MEP1A: variants seen among roughly 807,000 people sequenced by gnomAD.
MEP1A encodes N-benzoyl-L-tyrosyl-P-amino-benzoic acid hydrolase subunit alpha.
A neutral mutation model predicts 84.5 loss-of-function variants in MEP1A; 68 were observed. The observed-to-expected ratio is 0.80, with a 90% CI of 0.66 to 0.98. The LOEUF is 0.98. MEP1A is among the 50% of genes least tolerant of loss of function. The pLI is 0.00. For synonymous variants in MEP1A, 337 were observed against 336.8 expected (o/e 1.00, Z -0.01); for missense variants, 887 against 919.9 (o/e 0.96, Z 0.46).
chr6:46,811,300 T>C (rs1767492435), intron 6 of MEP1A, among the ~76,000 whole-genome samples: 1 of 152,154 alleles, frequency 6.6e-6, no homozygotes, highest in Non-Finnish European at 1.5e-5. Flanking sequence ...GCAGAGCTAC[T>C]GATTTGTGTA....
In MEP1A at chr6:46,834,590, C is replaced by G. The variant is rs773065143; in HGVS notation, c.1622C>G (p.Thr541Ser). The change falls in exon 12 of 14, where the codon ACT (threonine) becomes AGT (serine). Residue 541 changes from threonine to serine, a missense_variant. By Grantham distance (58) the Thr-to-Ser change is moderately conservative. Transcript: ENST00000230588. ...KSHTSPAIND[T>S]VIWDRPSRVG... ...TACAACTTTGCAGCGATAAATGACA[C>G]TGTCATCTGGGACAGGCCGTCCAGG... The G allele has an allele frequency of 6.2e-7, 1 of 1,606,080 alleles. No individual in the cohort carries two copies. Among genetic ancestry groups the G allele is most frequent in the African/African-American group, 1.3e-5 (1 of 74,768 alleles).
intron 3 of MEP1A, among the ~76,000 whole-genome samples, chr6:46,797,643 T>C (rs1218034422): frequency 6.6e-6 from 1 of 152,142 alleles, no homozygotes; most frequent in Non-Finnish European, 1.5e-5. Flanking sequence ...AATGGTACAC[T>C]GGTAGAAAGA....
intron 6 of MEP1A, among the ~76,000 whole-genome samples, chr6:46,817,109 A>G (rs529634308): frequency 5.3e-5 from 8 of 152,328 alleles, no homozygotes; most frequent in African/African-American, 1.9e-4. Flanking sequence ...GGCAGGTGAT[A>G]TAAAGAAGAG....
chr6:46,828,446 A>G (rs1767997688), intron 9 of MEP1A, among the ~76,000 whole-genome samples: 2 of 152,232 alleles, frequency 1.3e-5, no homozygotes, highest in African/African-American at 4.8e-5. Flanking sequence ...AGTGTGAGGC[A>G]GGATGAAGCT....
intron 3 of MEP1A, among the ~76,000 whole-genome samples, chr6:46,793,999 A>T (rs1766994413): frequency 6.6e-6 from 1 of 152,218 alleles, no homozygotes; most frequent in African/African-American, 2.4e-5. Context: ...TTTGGAGGAA[A>T]AGGAAAGCAA....
chr6:46,823,824 C>A (rs3807009), intron 7 of MEP1A, among the ~76,000 whole-genome samples: 64,328 of 152,062 alleles, frequency 0.42, 13,964 homozygotes, highest in African/African-American at 0.5. Flanking sequence ...ATTCAAAGAC[C>A]CTCTGATCAG....
the MEP1A span, among the ~76,000 whole-genome samples, chr6:46,845,302 G>A: frequency 5.9e-5 from 9 of 152,160 alleles, no homozygotes; most frequent in East Asian, 1.9e-4. Flanking sequence ...GACTGATAAC[G>A]GGACATAATG....
In MEP1A at chr6:46,819,615, A is replaced by G. The variant is rs746863143; in HGVS notation, c.467A>G (p.Glu156Gly). The change falls in exon 7 of 14, where the codon GAG becomes GGG. Residue 156 changes from glutamate to glycine, a missense_variant. By Grantham distance (98) the Glu-to-Gly change is moderately conservative. Coordinates refer to ENST00000230588, the MANE Select transcript of MEP1A (RefSeq NM_005588.3). ...GCCTATAAGGCCATCATAGAACACGAGATCCTGCATGCTTTGGGATTTTAC... is the reference window on the plus strand; with the variant it reads ...GCCTATAAGGCCATCATAGAACACGGGATCCTGCATGCTTTGGGATTTTAC... ...GCAYKAIIEH[E>G]ILHALGFYHE... 1 of 1,614,152 alleles carries G rather than the reference A, an allele frequency of 6.2e-7. No homozygotes were observed. The highest frequency in any genetic ancestry group is 8.5e-7 in the Non-Finnish European group (1 of 1,179,994).
chr6:46,828,829 T>C (rs73736665), intron 9 of MEP1A, among the ~76,000 whole-genome samples: 6,916 of 152,258 alleles, frequency 0.045, 160 homozygotes, highest in African/African-American at 0.072. Flanking sequence ...GAATAGCCCT[T>C]CTTATAATAT....
intron 5 of MEP1A, among the ~76,000 whole-genome samples, chr6:46,804,410 T>C (rs1767264306): frequency 2.0e-5 from 3 of 151,770 alleles, no homozygotes; most frequent in Admixed American, 6.6e-5. Flanking sequence ...TTAAAAGCAT[T>C]ATGCAGCGAA....
chr6:46,818,659 C>T (rs867755367), intron 6 of MEP1A, among the ~76,000 whole-genome samples: 2 of 152,186 alleles, frequency 1.3e-5, no homozygotes, highest in African/African-American at 4.8e-5. Context: ...GCTACAGGTC[C>T]TCCTTGCCTG....
At chr6:46,814,603 T>G (rs530667433) in intron 6 of MEP1A, among the ~76,000 whole-genome samples, 1 of 152,314 alleles carries the variant, frequency 6.6e-6, no homozygotes, top group Non-Finnish European at 1.5e-5. Flanking sequence ...CATGATCTTT[T>G]GGCAGTGTTA....
downstream of MEP1A, among the ~76,000 whole-genome samples, chr6:46,842,083 T>C (rs977507274): frequency 2.6e-5 from 4 of 152,230 alleles, no homozygotes; most frequent in African/African-American, 9.6e-5. Context: ...AATAATACTC[T>C]TATAATTTCT....
intron 6 of MEP1A, 86 bp from the exon 7 acceptor site, chr6:46,819,443 C>T: frequency 9.3e-7 from 1 of 1,078,238 alleles, no homozygotes; most frequent in South Asian, 1.6e-5. Flanking sequence ...AGCCTAATTT[C>T]CTCCTAATTT....
At chr6:46,822,771 C>T (rs1382490110) in intron 7 of MEP1A, among the ~76,000 whole-genome samples, 1 of 152,162 alleles carries the variant, frequency 6.6e-6, no homozygotes. Flanking sequence ...TCTCGAACTC[C>T]TGGCCTCAAG....
chr6:46,799,457 T>C (rs1562103446), intron 5 of MEP1A, among the ~76,000 whole-genome samples: 1 of 152,202 alleles, frequency 6.6e-6, no homozygotes. Context: ...CAAAACCTAA[T>C]GAAATATAAT....
At chr6:46,820,049 G>A (rs1767731595) in intron 7 of MEP1A, among the ~76,000 whole-genome samples, 1 of 152,208 alleles carries the variant, frequency 6.6e-6, no homozygotes, top group Non-Finnish European at 1.5e-5. Context: ...TTCTCTGGAT[G>A]TGAAATCTCC....
At chr6:46,808,079 C>G (rs1767406611) in intron 5 of MEP1A, among the ~76,000 whole-genome samples, 1 of 152,058 alleles carries the variant, frequency 6.6e-6, no homozygotes. Flanking sequence ...AGAAATCCCA[C>G]CATTTGGATT....
In MEP1A at chr6:46,809,493, C is replaced by G; in HGVS notation, c.336C>G (p.Pro112=). The change falls in exon 6 of 14, where the codon CCC becomes CCG. Residue 112 remains proline, a synonymous_variant. Transcript: ENST00000230588. ...FRLKSCVDFK[P]YEGESSYIIF... is the part of the protein sequence containing the mutation. ...TCAAGTCCTGTGTGGATTTCAAGCC[C>G]TATGAAGGAGAGAGCTCATATATCA... The G allele has an allele frequency of 6.2e-7, 1 of 1,610,234 alleles. No homozygotes were observed. Among genetic ancestry groups the G allele is most frequent in the South Asian group, 1.1e-5 (1 of 90,474 alleles).
Sources: gnomAD v4.1 joint callset for allele counts (sites outside exome capture counted in the v4.1 genomes callset) on GRCh38, gnomAD v4.1.1 for gene constraint, MANE v1.5 for transcripts, NCBI Gene and HGNC (gene_info 2026-07-23, HGNC 2026-07-21) for gene names.